NCOA6: variants seen among roughly 807,000 people sequenced by gnomAD.
NCOA6 encodes nuclear receptor coactivator 6.
Under a neutral mutation model 171.4 loss-of-function variants are expected in NCOA6, and 49 were observed. The observed-to-expected ratio is 0.29, with a 90% CI of 0.23 to 0.36. The LOEUF (loss-of-function observed/expected upper bound fraction) is 0.36. Among genes scored for constraint, NCOA6 ranks in the 10% least tolerant of loss-of-function variants. NCOA6 has a pLI of 1.00. For synonymous variants in NCOA6, 910 were observed against 927.5 expected (o/e 0.98, Z 0.34); for missense variants, 2,248 against 2,554.5 (o/e 0.88, Z 2.59).
At chr20:34,796,300 G>A (rs1212927009) in intron 1 of NCOA6, among the ~76,000 whole-genome samples, 2 of 151,658 alleles carry the variant, frequency 1.3e-5, no homozygotes, top group African/African-American at 2.4e-5. Context: ...GTGAGCCACC[G>A]CACCCGACCT....
chr20:34,790,176 T>TG (rs1416465494), intron 2 of NCOA6, among the ~76,000 whole-genome samples: 15 of 151,836 alleles, frequency 9.9e-5, no homozygotes, highest in African/African-American at 3.6e-4. Flanking sequence ...AACAGGTGAA[T>TG]GGATAAACAA....
intron 8 of NCOA6, among the ~76,000 whole-genome samples, chr20:34,754,030 CCT>C (rs2076571048): frequency 6.6e-6 from 1 of 152,140 alleles, no homozygotes; most frequent in African/African-American, 2.4e-5. Context: ...TAGCCATTCC[CCT>C]GTATCTTATT....
chr20:34,749,960 C>T lies in NCOA6; in HGVS notation c.2235G>A (p.Arg745=), dbSNP rs771722368. 3.2e-5 allele frequency: 52 copies of T among 1,614,070 alleles called. No individual in the cohort carries two copies. Among genetic ancestry groups the T allele is most frequent in the Non-Finnish European group, 4.0e-5 (47 of 1,180,042 alleles). ...NVMPGPAQIM[R]GPTPNMQGNM... The stretch of plus-strand genomic sequence containing the variant: ...TTCCTTGCATGTTTGGAGTTGGTCC[C>T]CTCATTATCTGGGCTGGTCCCGGCA... The change falls in exon 9 of 15, where the codon AGG becomes AGA. Residue 745 remains arginine, a synonymous_variant. Transcript: ENST00000359003.
At chr20:34,810,571 T>C (rs1356442207) in intron 1 of NCOA6, among the ~76,000 whole-genome samples, 1 of 152,074 alleles carries the variant, frequency 6.6e-6, no homozygotes, top group African/African-American at 2.4e-5. Flanking sequence ...TTTGTTTGTT[T>C]TTGAGACGGA....
rs759223594 is a variant in NCOA6 at position 34,740,631 on chromosome 20, G to C, written c.5625C>G (p.Asp1875Glu). ...MGTEQLSTEL[D>E]SKTPTPPAPT... is the part of the protein sequence containing the mutation. Reference sequence around the variant, plus strand: ...GTGCTGGGGGCGTTGGGGTTTTACTGTCCAGCTCTGTGGATAACTGCTCTG... The same window carrying C: ...GTGCTGGGGGCGTTGGGGTTTTACTCTCCAGCTCTGTGGATAACTGCTCTG... The change falls in exon 11 of 15, where the codon GAC becomes GAG. Residue 1875 changes from aspartate (D) to glutamate (E), a missense_variant. This residue lies in a region of NCOA6 where 884 missense variants were observed against 941.9 expected (regional missense o/e 0.94). Coordinates refer to ENST00000359003, the MANE Select transcript of NCOA6 (RefSeq NM_014071.5). 1 of 1,614,086 alleles carries C rather than the reference G, an allele frequency of 6.2e-7. No homozygotes were observed. The highest frequency in any genetic ancestry group is 1.3e-5 in the African/African-American group (1 of 74,926).
Position 34,812,016 on chromosome 20 carries a change from G to A in NCOA6, c.-164+13456C>T, listed in dbSNP as rs574951963. 5.3e-5 allele frequency among the ~76,000 whole-genome samples: 8 copies of A among 151,994 alleles called. No homozygotes were observed. In the East Asian group the frequency reaches 5.8e-4, roughly 11 times the overall value. On this transcript the variant is annotated intron_variant, in intron 1 of 14. Coordinates refer to ENST00000359003, the MANE Select transcript of NCOA6 (RefSeq NM_014071.5). ...TGTAATCCCAGCACTTTGGGAGGCC[G>A]AGGTGGGAGGATCACAAGGTCAAGA...
At chr20:34,800,869 A>G (rs1254313949) in intron 1 of NCOA6, among the ~76,000 whole-genome samples, 1 of 152,180 alleles carries the variant, frequency 6.6e-6, no homozygotes, top group East Asian at 1.9e-4. Context: ...TGAACTTAAT[A>G]AGATATTTAC....
Position 34,757,629 on chromosome 20 carries a change from G to A in NCOA6, c.1119C>T (p.Pro373=), listed in dbSNP as rs1369031387. The A allele has an allele frequency of 6.2e-7, 1 of 1,613,922 alleles. No individual in the cohort carries two copies. The highest frequency in any genetic ancestry group is 1.3e-5 in the African/African-American group (1 of 74,910). The change falls in exon 7 of 15, where the codon CCC becomes CCT. Residue 373 remains proline, a synonymous_variant. Transcript: ENST00000359003. ...GCTGGCTGCCAAAGGGATATGGAGG[G>A]GGAGGGTGGGAAGGCGTCTGTACCG... ...LATVQTPSHP[P]PPYPFGSQQA... is the part of the protein sequence containing the mutation.
intron 14 of NCOA6, among the ~76,000 whole-genome samples, chr20:34,715,812 G>C (rs1436476855): frequency 6.6e-6 from 1 of 152,222 alleles, no homozygotes. Context: ...TTGGAGCCAA[G>C]CTATTGTTTC....
chr20:34,723,830 C>T (rs1420906784), intron 14 of NCOA6, among the ~76,000 whole-genome samples: 1 of 152,190 alleles, frequency 6.6e-6, no homozygotes. Flanking sequence ...TTCTGGTGCC[C>T]TGTAAATAAC....
rs1223703864 is a variant in NCOA6, at chr20:34,778,697, A to C, written c.236-2249T>G. Reference sequence around the variant, plus strand: ...TGCCTCGGCCTCCCAAAGTGCTGGGATTGCAGGCATGAGCCACCACACCCA... The same window carrying C: ...TGCCTCGGCCTCCCAAAGTGCTGGGCTTGCAGGCATGAGCCACCACACCCA... On this transcript the variant is annotated intron_variant, in intron 3 of 14. Coordinates refer to ENST00000359003, the MANE Select transcript of NCOA6 (RefSeq NM_014071.5). Among the ~76,000 whole-genome samples, 3 of 151,980 alleles carry C rather than the reference A, an allele frequency of 2.0e-5. No individual in the cohort carries two copies. In the East Asian group the frequency reaches 5.8e-4, roughly 30 times the overall value.
chr20:34,789,666 A>G (rs1282731941), intron 2 of NCOA6, among the ~76,000 whole-genome samples: 2 of 152,120 alleles, frequency 1.3e-5, no homozygotes, highest in Non-Finnish European at 2.9e-5. Context: ...CCAGCAACTC[A>G]TGAGGCTGAG....
At chr20:34,808,455 T>G (rs866494045) in intron 1 of NCOA6, among the ~76,000 whole-genome samples, 3 of 150,168 alleles carry the variant, frequency 2.0e-5, no homozygotes, top group African/African-American at 7.4e-5. Context: ...TTTTTTTTTT[T>G]GAGTCGGAGT....
chr20:34,765,253 C>T (rs1035673737), intron 5 of NCOA6, among the ~76,000 whole-genome samples: 4 of 151,714 alleles, frequency 2.6e-5, no homozygotes, highest in African/African-American at 9.7e-5. Context: ...GAGATCGAGA[C>T]CATCCTGGCT....
At chr20:34,722,346 A>G (rs1266593432) in intron 14 of NCOA6, among the ~76,000 whole-genome samples, 1 of 151,706 alleles carries the variant, frequency 6.6e-6, no homozygotes, top group Non-Finnish European at 1.5e-5. Flanking sequence ...ACACCATTGC[A>G]CTCCAGCCTG....
intron 1 of NCOA6, among the ~76,000 whole-genome samples, chr20:34,811,234 T>TATATATATATATATATACAC (rs1344933526): frequency 8.3e-6 from 1 of 119,988 alleles, no homozygotes; most frequent in African/African-American, 3.1e-5. Context: ...TATATATATA[T>TATATATATATATATATACAC]ATGCTTTCAA....
At chr20:34,737,767 A>G (rs2076001745) in intron 11 of NCOA6, among the ~76,000 whole-genome samples, 1 of 152,206 alleles carries the variant, frequency 6.6e-6, no homozygotes, top group Non-Finnish European at 1.5e-5. Context: ...AATTTTGTAT[A>G]TTTCCCTCCC....
intron 9 of NCOA6, among the ~76,000 whole-genome samples, chr20:34,747,335 A>G (rs1264807727): frequency 1.3e-5 from 2 of 152,204 alleles, no homozygotes; most frequent in Non-Finnish European, 2.9e-5. Context: ...TTTTGTGGAT[A>G]TAACAGTGGG....
intron 1 of NCOA6, among the ~76,000 whole-genome samples, chr20:34,808,427 T>C (rs867480712): frequency 9.9e-5 from 15 of 151,570 alleles, no homozygotes; most frequent in Admixed American, 2.0e-4. Flanking sequence ...GTTCCCAAAC[T>C]TGTCTGTGCT....
Sources: allele counts gnomAD v4.1 joint callset (sites outside exome capture counted in the v4.1 genomes callset), GRCh38; gene constraint gnomAD v4.1.1; regional missense constraint gnomAD v4.1.1; transcripts MANE v1.5; gene names NCBI Gene and HGNC (gene_info 2026-07-23, HGNC 2026-07-21).